The following SCHIP1 variants were observed in gnomAD, a reference collection of about 807,000 sequenced individuals.
SCHIP1 encodes the protein schwannomin-interacting protein 1.
SCHIP1 carries 8 observed loss-of-function variants against 29.7 expected under a neutral mutation model. The observed-to-expected ratio is 0.27, with a 90% CI of 0.16 to 0.49. The LOEUF (loss-of-function observed/expected upper bound fraction) is 0.49, where lower values mean the gene tolerates loss of function less well. Among genes scored for constraint, SCHIP1 ranks in the 20% least tolerant of loss-of-function variants. SCHIP1 has a pLI of 0.99. For synonymous variants in SCHIP1, 76 were observed against 94.9 expected (o/e 0.80, Z 1.16); for missense variants, 193 against 294.6 (o/e 0.66, Z 2.52).
the SCHIP1 span, among the ~76,000 whole-genome samples, chr3:159,664,005 T>C: frequency 6.6e-6 from 1 of 152,238 alleles, no homozygotes; most frequent in African/African-American, 2.4e-5. Context: ...AAACAAAGTT[T>C]AAATTGAACA....
chr3:159,383,120 C>G, the SCHIP1 span, among the ~76,000 whole-genome samples: 1 of 150,556 alleles, frequency 6.6e-6, no homozygotes, highest in Admixed American at 6.6e-5. Context: ...AATTAGGTCC[C>G]ATTTGTCAAT....
the SCHIP1 span, among the ~76,000 whole-genome samples, chr3:159,357,146 G>C: frequency 6.6e-6 from 1 of 152,190 alleles, no homozygotes; most frequent in African/African-American, 2.4e-5. Context: ...AGCATGGAGA[G>C]ATAGCTTTCC....
chr3:159,386,152 A>C, the SCHIP1 span, among the ~76,000 whole-genome samples: 1 of 152,148 alleles, frequency 6.6e-6, no homozygotes, highest in Non-Finnish European at 1.5e-5. Flanking sequence ...GCCACTACAA[A>C]CATACGTGTG....
the SCHIP1 span, among the ~76,000 whole-genome samples, chr3:159,452,154 T>A: frequency 2.7e-5 from 4 of 147,898 alleles, no homozygotes; most frequent in Non-Finnish European, 4.5e-5. Flanking sequence ...TTTTTTTTTT[T>A]AAGTTCTGGG....
At chr3:159,714,834 C>T in the SCHIP1 span, among the ~76,000 whole-genome samples, 187 of 152,352 alleles carry the variant, frequency 1.2e-3, no homozygotes, top group African/African-American at 4.4e-3. Flanking sequence ...CATAGCTGAA[C>T]AAAAGGAGGC....
chr3:159,370,701 C>CCT, the SCHIP1 span, among the ~76,000 whole-genome samples: 1 of 152,112 alleles, frequency 6.6e-6, no homozygotes, highest in Non-Finnish European at 1.5e-5. Flanking sequence ...ATGGATGAAT[C>CCT]CTCTCTCTCT....
the SCHIP1 span, among the ~76,000 whole-genome samples, chr3:159,521,745 C>T: frequency 6.6e-6 from 1 of 152,126 alleles, no homozygotes; most frequent in Admixed American, 6.5e-5. Flanking sequence ...ATGTTGTGCC[C>T]CTGAGTTGGT....
chr3:159,593,697 A>G, the SCHIP1 span, among the ~76,000 whole-genome samples: 1 of 141,660 alleles, frequency 7.1e-6, no homozygotes, highest in Non-Finnish European at 1.5e-5. Flanking sequence ...ATTGTAGAAG[A>G]AGAGATCTGA....
the SCHIP1 span, among the ~76,000 whole-genome samples, chr3:159,776,820 A>T: frequency 6.6e-6 from 1 of 152,150 alleles, no homozygotes; most frequent in Non-Finnish European, 1.5e-5. Flanking sequence ...TTTTTTTAGT[A>T]AACAATCACA....
At chr3:159,843,032 G>C (rs1744417572) in intron 1 of SCHIP1, among the ~76,000 whole-genome samples, 1 of 23,788 alleles carries the variant, frequency 4.2e-5, no homozygotes, top group Non-Finnish European at 9.2e-5. Context: ...TTTTTTTTGA[G>C]ATGGAGTCTC....
chr3:159,669,814 A>G, the SCHIP1 span, among the ~76,000 whole-genome samples: 3 of 152,202 alleles, frequency 2.0e-5, no homozygotes, highest in Non-Finnish European at 4.4e-5. Context: ...GGCCCTTTCC[A>G]GAGACAACCC....
At chr3:159,397,927 G>T in the SCHIP1 span, among the ~76,000 whole-genome samples, 1 of 152,116 alleles carries the variant, frequency 6.6e-6, no homozygotes, top group Admixed American at 6.5e-5. Flanking sequence ...CCCCAGCCTC[G>T]CTGCCACCTT....
chr3:159,779,917 A>T, the SCHIP1 span, among the ~76,000 whole-genome samples: 1 of 152,164 alleles, frequency 6.6e-6, no homozygotes, highest in Non-Finnish European at 1.5e-5. Context: ...GCTGTGCTGG[A>T]GGATGGGACA....
chr3:159,373,469 C>A, the SCHIP1 span, among the ~76,000 whole-genome samples: 6 of 152,094 alleles, frequency 3.9e-5, no homozygotes, highest in South Asian at 1.2e-3. Flanking sequence ...GGGATTTTGA[C>A]ATGTATAATA....
At chr3:159,345,122 G>A in the SCHIP1 span, among the ~76,000 whole-genome samples, 1 of 151,768 alleles carries the variant, frequency 6.6e-6, no homozygotes, top group African/African-American at 2.4e-5. Context: ...CAGCTACTGG[G>A]GAGGCTGAGG....
the SCHIP1 span, chr3:159,386,606 C>A: frequency 6.6e-6 from 1 of 152,134 alleles, no homozygotes; most frequent in East Asian, 1.9e-4. Context: ...ATAAAAAGAA[C>A]AAAGCTGGAG....
At chr3:159,688,228 G>A in the SCHIP1 span, among the ~76,000 whole-genome samples, 190 of 152,302 alleles carry the variant, frequency 1.2e-3, no homozygotes, top group African/African-American at 4.5e-3. Context: ...CAGTGTAAAA[G>A]TGTTCCTATT....
the SCHIP1 span, among the ~76,000 whole-genome samples, chr3:159,432,939 T>C: frequency 7.9e-5 from 12 of 152,136 alleles, no homozygotes; most frequent in African/African-American, 2.9e-4. Flanking sequence ...TTTCTGTAAG[T>C]TCTGACCTCC....
the SCHIP1 span, among the ~76,000 whole-genome samples, chr3:159,412,352 A>C: frequency 6.6e-6 from 1 of 152,216 alleles, no homozygotes; most frequent in South Asian, 2.1e-4. Flanking sequence ...CAGTAGAAGG[A>C]GGCATGATTA....
Sources: allele counts gnomAD v4.1 joint callset (sites outside exome capture counted in the v4.1 genomes callset), GRCh38; gene constraint gnomAD v4.1.1; transcripts MANE v1.5; gene names NCBI Gene and HGNC (gene_info 2026-07-23, HGNC 2026-07-21).